NCAPD2: variants seen among roughly 807,000 people sequenced by gnomAD.
NCAPD2 encodes non-SMC condensin I complex subunit D2, also known as condensin complex subunit 1.
A neutral mutation model predicts 164.5 loss-of-function variants in NCAPD2; 100 were observed. The observed-to-expected ratio is 0.61, with a 90% confidence interval of 0.52 to 0.72. NCAPD2 has a LOEUF of 0.72. Among genes scored for constraint, NCAPD2 ranks in the 30% least tolerant of loss-of-function variants. The pLI, the probability that NCAPD2 is intolerant of heterozygous loss-of-function variation, is 0.00. For missense variants in NCAPD2, 1,560 were observed against 1,749.2 expected (o/e 0.89, Z 1.93); for synonymous variants, 585 against 642.6 (o/e 0.91, Z 1.36).
chr12:6,498,056 T>C (rs1946000319), intron 2 of NCAPD2, among the ~76,000 whole-genome samples: 1 of 151,976 alleles, frequency 6.6e-6, no homozygotes, highest in South Asian at 2.1e-4. Context: ...ACTACAGGCA[T>C]GTGCCAACAT....
At chr12:6,500,825 C>T (rs1217304222) in intron 2 of NCAPD2, among the ~76,000 whole-genome samples, 2 of 152,120 alleles carry the variant, frequency 1.3e-5, no homozygotes, top group African/African-American at 2.4e-5. Flanking sequence ...TTAAAAGATT[C>T]ACTGGCGACT....
Position 6,528,099 on chromosome 12 carries a change from G to C in NCAPD2, c.3143+8G>C, listed in dbSNP as rs568314662. 1.9e-5 allele frequency: 31 copies of C among 1,614,206 alleles called. 1 individual carries two copies. The South Asian group carries it at 3.1e-4, about 16-fold the overall frequency. On this transcript the variant is annotated splice_region_variant and intron_variant, in intron 24 of 31. Transcript: ENST00000315579. The surrounding 1 kb of genome is among the most constrained non-coding windows in gnomAD (Gnocchi z 5.1). ...CAAGTTCTGCATGATCAGGTAGGCC[G>C]TGGGGTTGGTACCCCCTTCTCAAGG... is the stretch of plus-strand genomic sequence containing the variant.
intron 4 of NCAPD2, 183 bp downstream of exon 4, chr12:6,510,316 T>TA: frequency 1.2e-6 from 1 of 806,320 alleles, no homozygotes; most frequent in Non-Finnish European, 2.2e-6. Context: ...TGGTGGGCGA[T>TA]ACAGAGTTAT....
Position 6,517,452 on chromosome 12 carries a change from A to G in NCAPD2, c.1273A>G (p.Ile425Val). 2 of 1,614,246 alleles carry G rather than the reference A, an allele frequency of 1.2e-6. No homozygotes were observed. The highest frequency in any genetic ancestry group is 1.7e-6 in the Non-Finnish European group (2 of 1,180,042). ...DKSVLVCKNA[I>V]QLLASFLANN... ...GTCAGTGCTAGTATGTAAAAATGCC[A>G]TCCAGCTGCTGGCCAGTTTTCTAGC... The change falls in exon 11 of 32, where the codon ATC (isoleucine) becomes GTC (valine). Residue 425 changes from isoleucine to valine, a missense_variant. Coordinates refer to ENST00000315579, the MANE Select transcript of NCAPD2 (RefSeq NM_014865.4).
At chr12:6,499,824 TAAA>T (rs1197128313) in intron 2 of NCAPD2, among the ~76,000 whole-genome samples, 4 of 151,778 alleles carry the variant, frequency 2.6e-5, no homozygotes, top group Admixed American at 2.6e-4. Context: ...AAGAGAAAAA[TAAA>T]GAAGACAGTG....
Position 6,495,223 on chromosome 12 carries a change from G to A in NCAPD2, c.125G>A (p.Arg42Lys). 4 of 1,614,128 alleles carry A rather than the reference G, an allele frequency of 2.5e-6. No individual in the cohort carries two copies. The South Asian group carries it at 3.3e-5, about 13-fold the overall frequency. Residue 42 changes from arginine (R) to lysine (K), a missense_variant and splice_region_variant, in exon 2 of 32, where the codon AGA becomes AAA. Arg to Lys is a conservative substitution (Grantham distance 26). Coordinates refer to ENST00000315579, the MANE Select transcript of NCAPD2 (RefSeq NM_014865.4). Reference sequence around the variant, plus strand: ...ATCAAACATCTTCCACCACAGCTTAGAGGTAAGAGTCCATAGCTGTCACTG... The same window carrying A: ...ATCAAACATCTTCCACCACAGCTTAAAGGTAAGAGTCCATAGCTGTCACTG... ...LSIKHLPPQL[R>K]AFQAAFRAQG...
chr12:6,502,213 A>C, intron 2 of NCAPD2, among the ~76,000 whole-genome samples: 1 of 144,960 alleles, frequency 6.9e-6, no homozygotes. Context: ...CCACAGTAGC[A>C]AAAAAAAAAG....
intron 6 of NCAPD2, among the ~76,000 whole-genome samples, chr12:6,512,833 G>A (rs1946164159): frequency 6.6e-6 from 1 of 152,188 alleles, no homozygotes; most frequent in Admixed American, 6.5e-5. Flanking sequence ...AGAAGTAGTT[G>A]GATTCTATAC....
At chr12:6,505,580 T>G (rs1592166890) in intron 2 of NCAPD2, among the ~76,000 whole-genome samples, 1 of 152,188 alleles carries the variant, frequency 6.6e-6, no homozygotes, top group African/African-American at 2.4e-5. Context: ...GGCTCGCGCC[T>G]GTAATTCTAG....
Position 6,517,347 on chromosome 12 carries a change from T to C in NCAPD2, c.1186-18T>C. On this transcript the variant is annotated intron_variant, in intron 10 of 31. Coordinates refer to ENST00000315579, the MANE Select transcript of NCAPD2 (RefSeq NM_014865.4). ...GATGTGGGACTTGAGCAGATTCTTC[T>C]CTTCCTACCCTACACAGGCTCTCCC... The C allele has an allele frequency of 6.2e-7, 1 of 1,610,618 alleles. No individual in the cohort carries two copies. Among genetic ancestry groups the C allele is most frequent in the East Asian group, 2.2e-5 (1 of 44,854 alleles).
chr12:6,529,540 C>T lies in NCAPD2; in HGVS notation c.3600C>T (p.Asp1200=). The change falls in exon 28 of 32, where the codon GAC becomes GAT. Residue 1200 remains aspartate (D), a synonymous_variant. Transcript: ENST00000315579. The stretch of plus-strand genomic sequence containing the variant: ...AGCTCCTCTCCTACATCACCAAGGA[C>T]AAGCAGACAGAGAGCCTGGTGGAAA... ...MKQLLSYITK[D]KQTESLVEKL... is the part of the protein sequence containing the mutation. The T allele has an allele frequency of 6.2e-7, 1 of 1,614,134 alleles. No individual in the cohort carries two copies. Among genetic ancestry groups the T allele is most frequent in the Non-Finnish European group, 8.5e-7 (1 of 1,179,998 alleles).
chr12:6,526,108 G>A lies in NCAPD2; in HGVS notation c.2389G>A (p.Val797Met), dbSNP rs10849482. ...TGTGGGAAGCAATTTAGACACACTGGTGAGCATAGGGCTGGATGAGAAGTT... is the reference window on the plus strand; with the variant it reads ...TGTGGGAAGCAATTTAGACACACTGATGAGCATAGGGCTGGATGAGAAGTT... ...EIVGSNLDTL[V>M]SIGLDEKFPQ... Residue 797 changes from valine to methionine, a missense_variant, in exon 19 of 32, where the codon GTG (valine) becomes ATG (methionine). Val to Met is a conservative substitution (Grantham distance 21). Coordinates refer to ENST00000315579, the MANE Select transcript of NCAPD2 (RefSeq NM_014865.4). The A allele has an allele frequency of 0.23, 363,781 of 1,613,806 alleles. 44,327 individuals carry two copies. The highest frequency in any genetic ancestry group is 0.25 in the Non-Finnish European group (296,742 of 1,179,852).
At chr12:6,520,897 C>G in intron 13 of NCAPD2, 89 bp from the exon 14 acceptor site, 2 of 1,571,984 alleles carry the variant, frequency 1.3e-6, no homozygotes, top group Non-Finnish European at 1.7e-6. Flanking sequence ...GCAGTAGGTC[C>G]AGGGACTTGA....
chr12:6,502,704 C>T (rs886633846), intron 2 of NCAPD2, among the ~76,000 whole-genome samples: 2 of 151,990 alleles, frequency 1.3e-5, no homozygotes, highest in African/African-American at 4.8e-5. Flanking sequence ...GTCCCAGCTA[C>T]TCAGAAGGCT....
intron 2 of NCAPD2, among the ~76,000 whole-genome samples, chr12:6,495,806 A>G (rs1034843034): frequency 6.6e-6 from 1 of 152,192 alleles, no homozygotes; most frequent in Non-Finnish European, 1.5e-5. Context: ...TTGGAGAGGT[A>G]TAGAGATTAA....
At chr12:6,507,628 G>C (rs1946109829) in intron 2 of NCAPD2, among the ~76,000 whole-genome samples, 1 of 152,136 alleles carries the variant, frequency 6.6e-6, no homozygotes, top group African/African-American at 2.4e-5. Flanking sequence ...GGGAGAGAGG[G>C]GAAAAGGTGA....
chr12:6,530,917 C>G lies in NCAPD2; in HGVS notation c.3965-4C>G. The G allele has an allele frequency of 6.2e-7, 1 of 1,613,126 alleles. No individual in the cohort carries two copies. The highest frequency in any genetic ancestry group is 1.3e-5 in the African/African-American group (1 of 74,902). On this transcript the variant is annotated splice_polypyrimidine_tract_variant and splice_region_variant and intron_variant, in intron 30 of 31. Transcript: ENST00000315579. ...TTTAAATCACGTTTTCCTGCCTTTT[C>G]TAGGTTCTAGGTACCAGCCTCTGGC...
chr12:6,504,236 T>TACACATATATATATACAC (rs1233338685), intron 2 of NCAPD2, among the ~76,000 whole-genome samples: 1 of 95,786 alleles, frequency 1.0e-5, no homozygotes, highest in Non-Finnish European at 2.2e-5. Context: ...TATATATATA[T>TACACATATATATATACAC]ATATATACCA....
chr12:6,510,609 C>T lies in NCAPD2; in HGVS notation c.263-20C>T. The stretch of plus-strand genomic sequence containing the variant: ...TGAAAGAAGTGAGTGAAACTGACTC[C>T]AAGATTCTGCCCCTCACAGTGGTAT... On this transcript the variant is annotated intron_variant, in intron 4 of 31. Coordinates refer to ENST00000315579, the MANE Select transcript of NCAPD2 (RefSeq NM_014865.4). 6.2e-7 allele frequency: 1 copy of T among 1,613,676 alleles called. No individual in the cohort carries two copies. The highest frequency in any genetic ancestry group is 8.5e-7 in the Non-Finnish European group (1 of 1,179,796).
Sources: gnomAD v4.1 joint callset for allele counts (sites outside exome capture counted in the v4.1 genomes callset) on GRCh38, gnomAD v4.1.1 for gene constraint, Gnocchi (gnomAD v3.1) non-coding constraint, MANE v1.5 for transcripts, NCBI Gene and HGNC (gene_info 2026-07-23, HGNC 2026-07-21) for gene names.